KLF12: variants seen among roughly 807,000 people sequenced by gnomAD.
KLF12 encodes KLF transcription factor 12.
Under a neutral mutation model 37.8 loss-of-function variants are expected in KLF12, and 9 were observed. The ratio of observed to expected loss-of-function variants is 0.24; its 90% CI spans 0.14 to 0.42. The LOEUF (loss-of-function observed/expected upper bound fraction) is 0.42. Among genes scored for constraint, KLF12 ranks in the 10% least tolerant of loss-of-function variants. The pLI, the probability that KLF12 is intolerant of heterozygous loss-of-function variation, is 1.00. For missense variants in KLF12, 411 were observed against 516.0 expected, an observed-to-expected ratio of 0.80 and a Z score of 1.97; for synonymous variants, 208 against 202.1, an observed-to-expected ratio of 1.03 and a Z score of -0.25.
At chr13:73,881,124 G>A (rs1186311425) in intron 3 of KLF12, among the ~76,000 whole-genome samples, 2 of 151,898 alleles carry the variant, frequency 1.3e-5, no homozygotes, top group African/African-American at 4.8e-5. Flanking sequence ...AGCTTGTTTT[G>A]GAAATGAAAG....
At chr13:74,154,248 A>G in the KLF12 span, among the ~76,000 whole-genome samples, 1 of 151,720 alleles carries the variant, frequency 6.6e-6, no homozygotes, top group African/African-American at 2.4e-5. Context: ...AAAAAATACT[A>G]TTTATTCAAT....
chr13:74,247,938 G>T, the KLF12 span, among the ~76,000 whole-genome samples: 1 of 152,186 alleles, frequency 6.6e-6, no homozygotes, highest in Non-Finnish European at 1.5e-5. Flanking sequence ...GCAAAGGAAT[G>T]GGGGCCAAGG....
chr13:74,230,902 A>G, the KLF12 span, among the ~76,000 whole-genome samples: 3 of 152,122 alleles, frequency 2.0e-5, no homozygotes, highest in African/African-American at 7.2e-5. Context: ...CCTAGTTTTC[A>G]TTAAACGTTG....
intron 3 of KLF12, among the ~76,000 whole-genome samples, chr13:73,898,570 A>C (rs1239068530): frequency 6.6e-6 from 1 of 152,152 alleles, no homozygotes; most frequent in Non-Finnish European, 1.5e-5. Flanking sequence ...ATAATGAAAA[A>C]ACTGGAGAGA....
rs547560986 is a variant in KLF12 at position 73,949,246 on chromosome 13, GA to G, written c.34-5177del. On this transcript the variant is annotated intron_variant, in intron 2 of 7. Transcript: ENST00000377669. ...ATCAATATGCACTCCTAATACAATA[GA>G]AAAAAAATATGAACACCTTATTGAA... Among the ~76,000 whole-genome samples the G allele has an allele frequency of 2.0e-5, 3 of 151,752 alleles. No homozygotes were observed. The East Asian group carries it at 5.8e-4, about 29-fold the overall frequency.
At chr13:74,301,605 A>C in the KLF12 span, among the ~76,000 whole-genome samples, 5 of 152,212 alleles carry the variant, frequency 3.3e-5, no homozygotes, top group African/African-American at 4.8e-5. Flanking sequence ...GAAGCCCTGC[A>C]GTCAGACACA....
intron 5 of KLF12, among the ~76,000 whole-genome samples, chr13:73,799,429 T>C (rs915082365): frequency 1.3e-5 from 2 of 151,850 alleles, no homozygotes; most frequent in African/African-American, 2.4e-5. Context: ...TGAAAAAATA[T>C]ATATATATTT....
At chr13:73,781,146 G>A (rs1594083919) in intron 5 of KLF12, among the ~76,000 whole-genome samples, 1 of 152,150 alleles carries the variant, frequency 6.6e-6, no homozygotes, top group African/African-American at 2.4e-5. Flanking sequence ...AAAGAAATAC[G>A]ACTCGCTGAA....
chr13:73,702,464 C>T (rs1315133391), intron 7 of KLF12, among the ~76,000 whole-genome samples: 1 of 152,078 alleles, frequency 6.6e-6, no homozygotes, highest in African/African-American at 2.4e-5. Flanking sequence ...AGACAGGTGC[C>T]CTTTCATATT....
intron 3 of KLF12, among the ~76,000 whole-genome samples, chr13:73,869,468 T>C (rs1351221333): frequency 1.3e-5 from 2 of 152,140 alleles, no homozygotes; most frequent in African/African-American, 4.8e-5. Context: ...TAATAATACA[T>C]TGTAAATTCC....
intron 4 of KLF12, among the ~76,000 whole-genome samples, chr13:73,825,879 C>A (rs959080071): frequency 6.6e-6 from 1 of 152,188 alleles, no homozygotes; most frequent in African/African-American, 2.4e-5. Flanking sequence ...TACACCCCAA[C>A]CAAACCCATC....
chr13:74,200,587 A>G, the KLF12 span, among the ~76,000 whole-genome samples: 1 of 152,084 alleles, frequency 6.6e-6, no homozygotes, highest in Non-Finnish European at 1.5e-5. Flanking sequence ...GTGAGAGATG[A>G]TAGTCAAGAT....
intron 1 of KLF12, among the ~76,000 whole-genome samples, chr13:74,075,618 T>C (rs1874518877): frequency 6.6e-6 from 1 of 152,216 alleles, no homozygotes; most frequent in African/African-American, 2.4e-5. Context: ...TATTCCACTG[T>C]GAACTTAATA....
At chr13:74,015,793 G>T (rs1320306691) in intron 1 of KLF12, among the ~76,000 whole-genome samples, 1 of 151,980 alleles carries the variant, frequency 6.6e-6, no homozygotes, top group East Asian at 1.9e-4. Flanking sequence ...AGACTATTAC[G>T]GGACTCACTT....
the KLF12 span, among the ~76,000 whole-genome samples, chr13:74,301,379 A>G: frequency 3.9e-5 from 6 of 152,160 alleles, no homozygotes; most frequent in East Asian, 1.9e-4. Flanking sequence ...ACAGTCCCCA[A>G]TACAGCATTT....
chr13:74,053,484 G>T (rs1873051477), intron 1 of KLF12, among the ~76,000 whole-genome samples: 1 of 152,116 alleles, frequency 6.6e-6, no homozygotes, highest in African/African-American at 2.4e-5. Flanking sequence ...ATGAGCTAGG[G>T]TTCACATCGC....
intron 2 of KLF12, among the ~76,000 whole-genome samples, chr13:73,976,817 T>C (rs1373860734): frequency 6.6e-6 from 1 of 152,112 alleles, no homozygotes; most frequent in East Asian, 1.9e-4. Flanking sequence ...ATTTTAAAAA[T>C]TCTAAATGAG....
chr13:74,172,956 G>T, the KLF12 span, among the ~76,000 whole-genome samples: 1 of 152,062 alleles, frequency 6.6e-6, no homozygotes, highest in Non-Finnish European at 1.5e-5. Context: ...CATGAAATAC[G>T]CCCGTACCTC....
At chr13:74,176,821 G>A in the KLF12 span, among the ~76,000 whole-genome samples, 59 of 152,160 alleles carry the variant, frequency 3.9e-4, no homozygotes, top group African/African-American at 1.3e-3. Context: ...AACTGCCCCA[G>A]AAAACCTCTG....
Sources: gnomAD v4.1 joint callset for allele counts (sites outside exome capture counted in the v4.1 genomes callset) on GRCh38, gnomAD v4.1.1 for gene constraint, MANE v1.5 for transcripts, NCBI Gene and HGNC (gene_info 2026-07-23, HGNC 2026-07-21) for gene names.